The following TUSC3 variants were observed in gnomAD, a reference collection of about 807,000 sequenced individuals.
TUSC3 encodes the protein tumor suppressor candidate 3, also known as dolichyl-diphosphooligosaccharide--protein glycosyltransferase subunit TUSC3.
A neutral mutation model predicts 44.8 loss-of-function variants in TUSC3; 45 were observed. That is an observed-to-expected ratio of 1.00 (90% CI 0.79 to 1.29). The LOEUF is 1.29. TUSC3 is among the 50% of genes most tolerant of loss of function. TUSC3 has a pLI of 0.00. For missense variants in TUSC3, 519 were observed against 437.9 expected, an observed-to-expected ratio of 1.19 and a Z score of -1.65; for synonymous variants, 212 against 152.9, an observed-to-expected ratio of 1.39 and a Z score of -2.85.
chr8:15,461,648 C>T (rs1406314467), intron 1 of TUSC3, among the ~76,000 whole-genome samples: 1 of 151,624 alleles, frequency 6.6e-6, no homozygotes, highest in Admixed American at 6.6e-5. Flanking sequence ...TTTCCCCATT[C>T]AGTATTACGT....
rs565905094 is a variant in TUSC3, at chr8:15,473,921, G to A, written n.92-9465G>A. Among the ~76,000 whole-genome samples the A allele has an allele frequency of 1.3e-3, 205 of 152,238 alleles. 1 individual carries two copies. Among genetic ancestry groups the A allele is most frequent in the African/African-American group, 4.5e-3 (186 of 41,556 alleles). On this transcript the variant is annotated intron_variant and non_coding_transcript_variant, in intron 1 of 5. Coordinates refer to the TUSC3 transcript ENST00000503191. ...AATCTGATGTCAAATTTACCAGGGC[G>A]AGGTTTTTCTCCAACCTAGTAAGCC...
chr8:15,472,197 C>A (rs1451325670), intron 1 of TUSC3, among the ~76,000 whole-genome samples: 1 of 152,072 alleles, frequency 6.6e-6, no homozygotes, highest in African/African-American at 2.4e-5. Context: ...AAATACAAGT[C>A]TTAACTTAAT....
At position 15,438,808 on chromosome 8, in the gene TUSC3, C is replaced by G. The variant is rs540981563; in HGVS notation, n.91+21503C>G. On this transcript the variant is annotated intron_variant and non_coding_transcript_variant, in intron 1 of 5. Coordinates refer to the TUSC3 transcript ENST00000503191. ...TGACAATCCTAGGAGCTAGGCAGAGCAGATATTATCCCCATCTCAAAGATG... is the reference window on the plus strand; with the variant it reads ...TGACAATCCTAGGAGCTAGGCAGAGGAGATATTATCCCCATCTCAAAGATG... Among the ~76,000 whole-genome samples the G allele has an allele frequency of 1.4e-4, 21 of 152,274 alleles. 1 individual carries two copies. Among genetic ancestry groups the G allele is most frequent in the African/African-American group, 4.8e-4 (20 of 41,548 alleles).
intron 1 of TUSC3, among the ~76,000 whole-genome samples, chr8:15,464,556 C>A (rs1800390540): frequency 6.6e-6 from 1 of 152,128 alleles, no homozygotes; most frequent in Non-Finnish European, 1.5e-5. Flanking sequence ...TAAAGTTATT[C>A]AATATTTAGA....
chr8:15,435,018 C>T (rs1365364337), intron 1 of TUSC3, among the ~76,000 whole-genome samples: 4 of 148,048 alleles, frequency 2.7e-5, no homozygotes, highest in Admixed American at 6.7e-5. Context: ...GTCTTTATAG[C>T]AGCATGATTT....
At chr8:15,628,381 G>C (rs1187684517) in intron 2 of TUSC3, among the ~76,000 whole-genome samples, 1 of 152,100 alleles carries the variant, frequency 6.6e-6, no homozygotes, top group Non-Finnish European at 1.5e-5. Context: ...GTTAAATACA[G>C]ACCCTTAATT....
the TUSC3 span, among the ~76,000 whole-genome samples, chr8:15,816,517 G>A: frequency 6.6e-6 from 1 of 152,156 alleles, no homozygotes; most frequent in African/African-American, 2.4e-5. Context: ...GTGACTGCCA[G>A]CAATGAGTAG....
intron 1 of TUSC3, among the ~76,000 whole-genome samples, chr8:15,431,627 A>T (rs1356833405): frequency 6.8e-6 from 1 of 148,110 alleles, no homozygotes; most frequent in Non-Finnish European, 1.5e-5. Context: ...AAACAGAAAT[A>T]ACTTTGCTTC....
chr8:15,558,795 G>C (rs1342585637), intron 1 of TUSC3, among the ~76,000 whole-genome samples: 59 of 143,922 alleles, frequency 4.1e-4, no homozygotes, highest in Non-Finnish European at 7.7e-5. Context: ...TATTTGCATA[G>C]AGGTGTTTGT....
At chr8:15,767,941 G>T (rs965701879), downstream of TUSC3, among the ~76,000 whole-genome samples, 5 of 152,090 alleles carry the variant, frequency 3.3e-5, no homozygotes, top group Non-Finnish European at 7.4e-5. Context: ...ATGTAACAGG[G>T]ACTCTAGAAG....
At chr8:15,564,637 T>G (rs1239186078) in intron 1 of TUSC3, among the ~76,000 whole-genome samples, 5 of 152,158 alleles carry the variant, frequency 3.3e-5, no homozygotes, top group African/African-American at 1.2e-4. Context: ...GTTTACCGTA[T>G]GAGTTTTCTC....
At chr8:15,758,418 T>C in intron 10 of TUSC3, 1 of 317,964 alleles carries the variant, frequency 3.1e-6, no homozygotes, top group Non-Finnish European at 4.5e-6. Context: ...ATTTTATATG[T>C]ATGTAAAATT....
chr8:15,834,307 A>G, the TUSC3 span, among the ~76,000 whole-genome samples: 2 of 152,140 alleles, frequency 1.3e-5, no homozygotes, highest in South Asian at 2.1e-4. Flanking sequence ...AAAATTAATA[A>G]TCAGTACACT....
chr8:15,421,837 A>T (rs916667661), intron 1 of TUSC3, among the ~76,000 whole-genome samples: 1 of 152,202 alleles, frequency 6.6e-6, no homozygotes, highest in East Asian at 1.9e-4. Flanking sequence ...TGTTGTAAAA[A>T]AATTCAATTT....
the TUSC3 span, among the ~76,000 whole-genome samples, chr8:15,815,926 T>A: frequency 6.6e-6 from 1 of 152,150 alleles, no homozygotes; most frequent in Admixed American, 6.6e-5. Flanking sequence ...TCTCTGTAAG[T>A]GCCAACGAGG....
intron 1 of TUSC3, among the ~76,000 whole-genome samples, chr8:15,615,548 A>G (rs2129160916): frequency 6.6e-6 from 1 of 152,308 alleles, no homozygotes; most frequent in East Asian, 1.9e-4. Flanking sequence ...CTAATGTTCT[A>G]TAAGCAGTGT....
intron 9 of TUSC3, among the ~76,000 whole-genome samples, chr8:15,755,090 C>G (rs184595889): frequency 2.0e-5 from 3 of 152,216 alleles, no homozygotes; most frequent in Admixed American, 1.3e-4. Context: ...ACGTATGAAT[C>G]TGTCTCATGC....
intron 2 of TUSC3, among the ~76,000 whole-genome samples, chr8:15,534,541 G>A (rs979352382): frequency 5.9e-5 from 9 of 151,842 alleles, no homozygotes; most frequent in Non-Finnish European, 1.2e-4. Context: ...TACTCGGGAG[G>A]CTGAGGCAGG....
At chr8:15,773,161 C>T in the TUSC3 span, among the ~76,000 whole-genome samples, 1 of 152,120 alleles carries the variant, frequency 6.6e-6, no homozygotes, top group African/African-American at 2.4e-5. Context: ...CACAAAAAGA[C>T]AACCAAATTG....
Sources: allele counts gnomAD v4.1 joint callset (sites outside exome capture counted in the v4.1 genomes callset), GRCh38; gene constraint gnomAD v4.1.1; transcripts MANE v1.5; gene names NCBI Gene and HGNC (gene_info 2026-07-23, HGNC 2026-07-21).